Variants in VPS13A observed in about 807,000 individuals in gnomAD.
The protein encoded by VPS13A is vacuolar protein sorting 13 homolog A, also known as intermembrane lipid transfer protein VPS13A.
VPS13A carries 264 observed loss-of-function variants against 390.9 expected under a neutral mutation model. The ratio of observed to expected loss-of-function variants is 0.68; its 90% CI spans 0.61 to 0.75. The LOEUF is 0.75. Ranked by LOEUF, VPS13A falls within the 30% of genes least tolerant of loss-of-function variation. The pLI, the probability that VPS13A is intolerant of heterozygous loss-of-function variation, is 0.00. For synonymous variants in VPS13A, 1,231 were observed against 1,227.1 expected (o/e 1.00, Z -0.07); for missense variants, 3,409 against 3,733.9 (o/e 0.91, Z 2.27).
chr9:77,340,120 A>C, intron 48 of VPS13A, 58 bp from the exon 49 acceptor site: 1 of 1,505,662 alleles, frequency 6.6e-7, no homozygotes, highest in Non-Finnish European at 9.2e-7. Flanking sequence ...TTATCAGTTT[A>C]AGCAGGAATT....
rs144279178 is a variant in VPS13A, at chr9:77,273,305, C to T, written c.2453C>T (p.Thr818Ile). The T allele has an allele frequency of 1.2e-6, 2 of 1,612,068 alleles. No homozygotes were observed. Among genetic ancestry groups the T allele is most frequent in the Non-Finnish European group, 1.7e-6 (2 of 1,178,968 alleles). The change falls in exon 24 of 72, where the codon ACA becomes ATA. Residue 818 changes from threonine (T) to isoleucine (I), a missense_variant. By Grantham distance (89) the Thr-to-Ile change is moderately conservative. Coordinates refer to ENST00000360280, the MANE Select transcript of VPS13A (RefSeq NM_033305.3). ...ATTCAAACATCTACTTCTTTGGGAA[C>T]ATCACAGATTTCACAGAAAATAATT... Reference protein sequence around the residue: ...FQIQTSTSLGTSQISQKIIPL... With the variant: ...FQIQTSTSLGISQISQKIIPL...
intron 55 of VPS13A, among the ~76,000 whole-genome samples, chr9:77,357,127 C>T (rs1001677280): frequency 1.3e-5 from 2 of 151,750 alleles, no homozygotes; most frequent in African/African-American, 2.4e-5. Flanking sequence ...CGAGACCAGC[C>T]TGGCCAACAT....
rs575825588 is a variant in VPS13A at position 77,213,382 on chromosome 9, T to C, written c.696+68T>C. Reference sequence around the variant, plus strand: ...TGCATGAGGTTTAATTCATTGTCATTTATCTAATATACTGTAGTCAGTATT... The same window carrying C: ...TGCATGAGGTTTAATTCATTGTCATCTATCTAATATACTGTAGTCAGTATT... On this transcript the variant is annotated intron_variant, in intron 9 of 71. Transcript: ENST00000360280. 3.1e-5 allele frequency: 39 copies of C among 1,259,476 alleles called. No homozygotes were observed. In the Admixed American group the frequency reaches 5.8e-4, roughly 19 times the overall value. The allele number at this position is 1,259,476 out of a possible 1,614,324, so 78.0% of individuals were successfully genotyped here.
At chr9:77,223,334 G>C (rs1823329618) in intron 13 of VPS13A, among the ~76,000 whole-genome samples, 1 of 152,084 alleles carries the variant, frequency 6.6e-6, no homozygotes, top group Non-Finnish European at 1.5e-5. Context: ...ATATAAGGAA[G>C]AATCATACGT....
chr9:77,216,605 G>A (rs1822880593), intron 10 of VPS13A, among the ~76,000 whole-genome samples: 1 of 152,154 alleles, frequency 6.6e-6, no homozygotes, highest in Admixed American at 6.5e-5. Flanking sequence ...AAGAGTTGAT[G>A]TAAATTCTCT....
intron 52 of VPS13A, among the ~76,000 whole-genome samples, chr9:77,350,536 C>A (rs1365478138): frequency 6.6e-6 from 1 of 152,056 alleles, no homozygotes; most frequent in African/African-American, 2.4e-5. Context: ...AAATTTATGA[C>A]AATTTGACAT....
chr9:77,416,310 G>T lies in VPS13A; in HGVS notation c.*304G>T. The stretch of plus-strand genomic sequence containing the variant: ...ACAAAATTATGAATCTTAAGTATTT[G>T]CTCCATCTTTTTCTCTGTAATGGTG... On this transcript the variant is annotated 3_prime_UTR_variant, in exon 72 of 72. Coordinates refer to ENST00000360280, the MANE Select transcript of VPS13A (RefSeq NM_033305.3). 1 of 316,216 alleles carries T rather than the reference G, an allele frequency of 3.2e-6. No homozygotes were observed. Among genetic ancestry groups the T allele is most frequent in the Non-Finnish European group, 6.1e-6 (1 of 165,182 alleles). 19.6% of individuals were successfully genotyped at this position (316,216 alleles called of 1,614,324 possible).
chr9:77,405,676 G>A (rs1412095577), intron 69 of VPS13A, among the ~76,000 whole-genome samples, 188 bp from the exon 70 acceptor site: 1 of 152,134 alleles, frequency 6.6e-6, no homozygotes, highest in East Asian at 1.9e-4. Context: ...TGGGTTTCTA[G>A]TTTAGTTCTG....
intron 56 of VPS13A, 75 bp from the exon 57 acceptor site, chr9:77,358,282 T>G: frequency 7.7e-7 from 1 of 1,303,766 alleles, no homozygotes; most frequent in South Asian, 1.2e-5. Flanking sequence ...ATTCTTTTTG[T>G]TCCTCAAATC....
chr9:77,385,174 A>G, intron 68 of VPS13A: 1 of 920,996 alleles, frequency 1.1e-6, no homozygotes, highest in Non-Finnish European at 1.3e-6. Flanking sequence ...TAATAATAAT[A>G]AACATATGTA....
At position 77,351,268 on chromosome 9, in the gene VPS13A, C is replaced by A. The variant is rs1235707665; in HGVS notation, c.7290-49C>A. 4 of 1,603,124 alleles carry A rather than the reference C, an allele frequency of 2.5e-6. No individual in the cohort carries two copies. The African/African-American group carries it at 4.0e-5, about 16-fold the overall frequency. On this transcript the variant is annotated intron_variant, in intron 52 of 71. Coordinates refer to ENST00000360280, the MANE Select transcript of VPS13A (RefSeq NM_033305.3). ...TATTATTTTAGTTTTTTTTTAATCT[C>A]TTCGTGTACTTGCATTTAATTTAAC...
chr9:77,384,733 T>C lies in VPS13A; in HGVS notation c.9189+2646T>C, dbSNP rs1168384323. ...TGGAATGTTTCATTAACATGTTTTG[T>C]ATGACTTATACCATAATGCCCATAT... On this transcript the variant is annotated intron_variant, in intron 68 of 71. Transcript: ENST00000360280. 3 of 1,555,720 alleles carry C rather than the reference T, an allele frequency of 1.9e-6. No homozygotes were observed. The South Asian group carries it at 3.4e-5, about 18-fold the overall frequency.
chr9:77,378,426 T>C (rs148006454), intron 67 of VPS13A, among the ~76,000 whole-genome samples: 1 of 152,154 alleles, frequency 6.6e-6, no homozygotes, highest in African/African-American at 2.4e-5. Flanking sequence ...TTTGTTGATA[T>C]ATATTTATTG....
At chr9:77,203,036 G>A (rs1825421359) in intron 3 of VPS13A, among the ~76,000 whole-genome samples, 1 of 152,124 alleles carries the variant, frequency 6.6e-6, no homozygotes, top group Admixed American at 6.6e-5. Flanking sequence ...GTTTCCAAAT[G>A]AATGATACAG....
intron 67 of VPS13A, among the ~76,000 whole-genome samples, chr9:77,373,856 C>T (rs898949795): frequency 4.6e-5 from 7 of 152,058 alleles, no homozygotes; most frequent in East Asian, 3.9e-4. Context: ...CAAAAGAAGA[C>T]ATTTATGCAG....
Position 77,213,296 on chromosome 9 carries a change from T to A in VPS13A, c.678T>A (p.Ser226Arg). 6.2e-7 allele frequency: 1 copy of A among 1,613,508 alleles called. No individual in the cohort carries two copies. The highest frequency in any genetic ancestry group is 8.5e-7 in the Non-Finnish European group (1 of 1,179,660). The stretch of plus-strand genomic sequence containing the variant: ...TGAAGTCTCAGATGTTTTATCTTAG[T>A]GATTATGATAACTCCTTGGTAAGTA... ...WNVKSQMFYLSDYDNSLDDLK... is the reference protein window; with the variant it reads ...WNVKSQMFYLRDYDNSLDDLK... Residue 226 changes from serine to arginine, a missense_variant, in exon 9 of 72, where the codon AGT (serine) becomes AGA (arginine). Transcript: ENST00000360280.
intron 1 of VPS13A, among the ~76,000 whole-genome samples, chr9:77,180,253 C>T (rs1414760280): frequency 1.3e-5 from 2 of 152,230 alleles, no homozygotes; most frequent in Non-Finnish European, 2.9e-5. Flanking sequence ...ATTGCTGGGT[C>T]ATATGCTGAC....
chr9:77,178,526 T>C (rs1823798835), intron 1 of VPS13A, among the ~76,000 whole-genome samples: 1 of 152,156 alleles, frequency 6.6e-6, no homozygotes, highest in Non-Finnish European at 1.5e-5. Flanking sequence ...GATATGTGGG[T>C]CAGAGTGAAT....
chr9:77,275,407 T>G (rs914755596), intron 24 of VPS13A, 91 bp from the exon 25 acceptor site: 1 of 1,195,308 alleles, frequency 8.4e-7, no homozygotes, highest in Admixed American at 1.8e-5. Context: ...AAGAGAGCCT[T>G]AGTGTTTTAG....
Sources: allele counts gnomAD v4.1 joint callset (sites outside exome capture counted in the v4.1 genomes callset), GRCh38; gene constraint gnomAD v4.1.1; transcripts MANE v1.5; gene names NCBI Gene and HGNC (gene_info 2026-07-23, HGNC 2026-07-21).